Variants in NRBF2 observed in about 807,000 individuals in gnomAD.
The protein encoded by NRBF2 is nuclear receptor-binding factor 2.
NRBF2 carries 12 observed loss-of-function variants against 28.5 expected under a neutral mutation model. The ratio of observed to expected loss-of-function variants is 0.42; its 90% CI spans 0.27 to 0.68. NRBF2 has a LOEUF of 0.68. Ranked by LOEUF, NRBF2 falls within the 30% of genes least tolerant of loss-of-function variation. The probability of loss-of-function intolerance (pLI) is 0.24; values close to 1 mark genes in which losing one functional copy is unlikely to be tolerated. For missense variants in NRBF2, 274 were observed against 333.5 expected (o/e 0.82, Z 1.39); for synonymous variants, 102 against 116.5 (o/e 0.88, Z 0.80).
chr10:63,154,776 A>C lies in NRBF2; in HGVS notation c.*558A>C, dbSNP rs1156631047. 1.3e-5 allele frequency: 2 copies of C among 152,698 alleles called. No individual in the cohort carries two copies. Among genetic ancestry groups the C allele is most frequent in the Admixed American group, 6.5e-5 (1 of 15,292 alleles). 9.5% of individuals were successfully genotyped at this position (152,698 alleles called of 1,614,324 possible). A position where few individuals can be genotyped will look rare whatever the true frequency, so the allele number is the denominator to read the frequency against. On this transcript the variant is annotated 3_prime_UTR_variant, in exon 4 of 4. Coordinates refer to ENST00000277746, the MANE Select transcript of NRBF2 (RefSeq NM_030759.5). ...CACTACTCATAATGATAACCTCAAG[A>C]CTATCAGAAGAAATATTTAAATTTC...
At chr10:63,152,916 A>G (rs1481263097) in intron 3 of NRBF2, among the ~76,000 whole-genome samples, 1 of 152,198 alleles carries the variant, frequency 6.6e-6, no homozygotes, top group African/African-American at 2.4e-5. Context: ...AGGATCACTG[A>G]ACACCTGAGT....
intron 1 of NRBF2, among the ~76,000 whole-genome samples, chr10:63,134,570 T>G (rs1379900256): frequency 6.6e-6 from 1 of 152,200 alleles, no homozygotes. Context: ...CTGTGTTACC[T>G]TGGGCAAACT....
At chr10:63,134,811 C>T (rs1228814570) in intron 1 of NRBF2, among the ~76,000 whole-genome samples, 1 of 152,138 alleles carries the variant, frequency 6.6e-6, no homozygotes, top group Non-Finnish European at 1.5e-5. Context: ...TGTGAGGCGC[C>T]CCTCCCTTTT....
chr10:63,148,290 A>G (rs1264509914), intron 2 of NRBF2, among the ~76,000 whole-genome samples: 1 of 152,244 alleles, frequency 6.6e-6, no homozygotes, highest in East Asian at 1.9e-4. Context: ...TTATAGAGAC[A>G]GAACTTAATG....
In NRBF2 at chr10:63,153,864, G is replaced by T. The variant is rs771031960; in HGVS notation, c.510G>T (p.Glu170Asp). 1.9e-6 allele frequency: 3 copies of T among 1,612,026 alleles called. No homozygotes were observed. Among genetic ancestry groups the T allele is most frequent in the Non-Finnish European group, 2.5e-6 (3 of 1,179,788 alleles). ...APKDDKTIIEEQATKIADLKR... is the reference protein window; with the variant it reads ...APKDDKTIIEDQATKIADLKR... ...AAGATGATAAAACAATTATAGAGGA[G>T]CAGGCAACCAAAATTGCAGATTTGA... Residue 170 changes from glutamate (E) to aspartate (D), a missense_variant, in exon 4 of 4, where the codon GAG becomes GAT. Coordinates refer to ENST00000277746, the MANE Select transcript of NRBF2 (RefSeq NM_030759.5).
chr10:63,134,036 C>G (rs1442658177), intron 1 of NRBF2, among the ~76,000 whole-genome samples: 3 of 149,754 alleles, frequency 2.0e-5, no homozygotes, highest in South Asian at 2.1e-4. Context: ...CCCCTCATTT[C>G]TCACATACAT....
At chr10:63,133,628 G>A (rs1459761782) in intron 1 of NRBF2, 128 bp downstream of exon 1, 2 of 726,698 alleles carry the variant, frequency 2.8e-6, no homozygotes, top group African/African-American at 1.8e-5. Context: ...CGCAGAGGCT[G>A]TGAGGGGCTG....
At chr10:63,145,097 A>G (rs1564530411) in intron 1 of NRBF2, among the ~76,000 whole-genome samples, 1 of 147,276 alleles carries the variant, frequency 6.8e-6, no homozygotes, top group South Asian at 2.1e-4. Flanking sequence ...AATGTATATT[A>G]AAGCTTTTTT....
intron 1 of NRBF2, among the ~76,000 whole-genome samples, chr10:63,143,156 T>TA (rs1242585944): frequency 6.6e-6 from 1 of 152,140 alleles, no homozygotes; most frequent in East Asian, 1.9e-4. Context: ...GATTACTATT[T>TA]AAAAAATAAA....
At chr10:63,151,056 C>A (rs1182394114) in intron 2 of NRBF2, among the ~76,000 whole-genome samples, 1 of 152,286 alleles carries the variant, frequency 6.6e-6, no homozygotes, top group Non-Finnish European at 1.5e-5. Context: ...AAGACATAGA[C>A]CAGTACCGGC....
At chr10:63,140,478 C>T (rs928965133) in intron 1 of NRBF2, among the ~76,000 whole-genome samples, 2 of 152,114 alleles carry the variant, frequency 1.3e-5, no homozygotes, top group South Asian at 2.1e-4. Flanking sequence ...AGTGCAGTGG[C>T]GTAATCACGG....
In NRBF2 at chr10:63,154,031, A is replaced by G; in HGVS notation, c.677A>G (p.Glu226Gly). The G allele has an allele frequency of 6.2e-7, 1 of 1,612,612 alleles. No homozygotes were observed. The highest frequency in any genetic ancestry group is 8.5e-7 in the Non-Finnish European group (1 of 1,179,860). ...GATGCTGATTTTGTAGAAACGTCAG[A>G]GTTATGGAGCTTGCCACCACATGCA... Reference protein sequence around the residue: ...DVDADFVETSELWSLPPHAET... With the variant: ...DVDADFVETSGLWSLPPHAET... The change falls in exon 4 of 4, where the codon GAG (glutamate) becomes GGG (glycine). Residue 226 changes from glutamate to glycine, a missense_variant. Glu to Gly is a moderately conservative substitution (Grantham distance 98). Coordinates refer to ENST00000277746, the MANE Select transcript of NRBF2 (RefSeq NM_030759.5).
At chr10:63,147,680 A>AC (rs1841584981) in intron 2 of NRBF2, among the ~76,000 whole-genome samples, 3 of 149,536 alleles carry the variant, frequency 2.0e-5, no homozygotes, top group Non-Finnish European at 1.5e-5. Context: ...ATAGGTATAC[A>AC]CGTGCCATGG....
At chr10:63,137,785 T>C (rs1304232870) in intron 1 of NRBF2, among the ~76,000 whole-genome samples, 3 of 152,154 alleles carry the variant, frequency 2.0e-5, no homozygotes, top group African/African-American at 7.2e-5. Context: ...AACCCCTTCT[T>C]TGTTGCCCTG....
At chr10:63,142,708 T>C (rs2132683848) in intron 1 of NRBF2, among the ~76,000 whole-genome samples, 1 of 151,432 alleles carries the variant, frequency 6.6e-6, no homozygotes, top group Non-Finnish European at 1.5e-5. Context: ...TATTTTTTGC[T>C]CAGTCCAAGT....
chr10:63,140,499 C>T (rs78677891), intron 1 of NRBF2, among the ~76,000 whole-genome samples: 5,323 of 152,152 alleles, frequency 0.035, 288 homozygotes, highest in East Asian at 0.26. Flanking sequence ...CTCACCGTAG[C>T]CTCAACCTCC....
At chr10:63,143,749 ATTT>A (rs35270148) in intron 1 of NRBF2, among the ~76,000 whole-genome samples, 24 of 115,950 alleles carry the variant, frequency 2.1e-4, no homozygotes, top group Non-Finnish European at 1.4e-4. Context: ...ACCATGCCCG[ATTT>A]TTTTTTTTTT....
intron 2 of NRBF2, among the ~76,000 whole-genome samples, chr10:63,147,031 A>G (rs1841571884): frequency 1.3e-5 from 2 of 152,204 alleles, no homozygotes; most frequent in South Asian, 4.1e-4. Flanking sequence ...AAAAATAAAA[A>G]TAAAAAAATT....
chr10:63,146,926 A>G (rs1485161904), intron 2 of NRBF2, among the ~76,000 whole-genome samples: 1 of 152,234 alleles, frequency 6.6e-6, no homozygotes, highest in East Asian at 1.9e-4. Context: ...TGTTGAATTC[A>G]GAAATAGATC....
Sources: gnomAD v4.1 joint callset for allele counts (sites outside exome capture counted in the v4.1 genomes callset) on GRCh38, gnomAD v4.1.1 for gene constraint, MANE v1.5 for transcripts, NCBI Gene and HGNC (gene_info 2026-07-23, HGNC 2026-07-21) for gene names.